EIF4G1: variants seen among roughly 807,000 people sequenced by gnomAD.
EIF4G1 encodes EIF4-gamma.
EIF4G1 carries 4 observed loss-of-function variants against 187.8 expected under a neutral mutation model. The ratio of observed to expected loss-of-function variants is 0.02; its 90% CI spans 0.01 to 0.05. The LOEUF (loss-of-function observed/expected upper bound fraction) is 0.05, where lower values mean the gene tolerates loss of function less well. Among genes scored for constraint, EIF4G1 ranks in the 10% least tolerant of loss-of-function variants. The pLI, the probability that EIF4G1 is intolerant of heterozygous loss-of-function variation, is 1.00. For missense variants in EIF4G1, 1,647 were observed against 2,081.1 expected, an observed-to-expected ratio of 0.79 and a Z score of 4.06; for synonymous variants, 844 against 781.4, an observed-to-expected ratio of 1.08 and a Z score of -1.34.
chr3:184,314,788 GCGGCCCGACCCAGGGCCC>G (rs1422627878), intron 1 of EIF4G1, 114 bp downstream of exon 1: 3 of 130,238 alleles, frequency 2.3e-5, no homozygotes, highest in South Asian at 2.6e-4. Context: ...CCCTGGCCCC[GCGGCCCGACCCAGGGCCC>G]CGGCCCGCCA....
chr3:184,317,876 G>A, intron 6 of EIF4G1, 60 bp downstream of exon 6: 1 of 1,294,468 alleles, frequency 7.7e-7, no homozygotes, highest in Non-Finnish European at 1.1e-6. Flanking sequence ...AAACTCATCT[G>A]CTGATTTCTA....
chr3:184,318,813 C>T (rs1362975616), intron 6 of EIF4G1, among the ~76,000 whole-genome samples: 1 of 151,990 alleles, frequency 6.6e-6, no homozygotes, highest in East Asian at 2.0e-4. Context: ...TCATGTTGAC[C>T]AGGCTGGTCT....
rs1328069246 is a variant in EIF4G1, at chr3:184,323,781, A to T, written c.2276A>T (p.Asp759Val). The T allele has an allele frequency of 6.2e-7, 1 of 1,613,728 alleles. No homozygotes were observed. The highest frequency in any genetic ancestry group is 8.5e-7 in the Non-Finnish European group (1 of 1,180,034). ...EEDADGSKTQ[D>V]LFRRVRSILN... ...AACTCTTGTCTCTTCTCCCTCCAGG[A>T]CCTATTCCGCAGGGTGCGCTCCATC... Residue 759 changes from aspartate (D) to valine (V), a missense_variant and splice_region_variant, in exon 16 of 33, where the codon GAC becomes GTC. Around this residue, in one of 11 missense-constraint regions of EIF4G1, gnomAD observed 140 missense variants for 222.2 expected, o/e 0.63. Coordinates refer to ENST00000346169, the MANE Select transcript of EIF4G1 (RefSeq NM_198241.3). The surrounding 1 kb of genome is among the most constrained non-coding windows in gnomAD (Gnocchi z 6.9).
chr3:184,321,223 G>A (rs1723850187), intron 9 of EIF4G1, 59 bp from the exon 10 acceptor site: 10 of 1,604,950 alleles, frequency 6.2e-6, no homozygotes, highest in Non-Finnish European at 8.5e-6. Context: ...AGGATGGGGA[G>A]GAACAACAGC....
At position 184,322,545 on chromosome 3, in the gene EIF4G1, C is replaced by G; in HGVS notation, c.1610C>G (p.Ala537Gly). The change falls in exon 12 of 33, where the codon GCG becomes GGG. Residue 537 changes from alanine to glycine, a missense_variant and splice_region_variant. Ala to Gly is a moderately conservative substitution (Grantham distance 60). Transcript: ENST00000346169. Reference protein sequence around the residue: ...VGDLLDAFKEANPAVPEVENQ... With the variant: ...VGDLLDAFKEGNPAVPEVENQ... Reference sequence around the variant, plus strand: ...AAACTGGATGTTCTGTTGTTCTAGGCGAACCCGGCAGTACCAGAGGTGGAA... The same window carrying G: ...AAACTGGATGTTCTGTTGTTCTAGGGGAACCCGGCAGTACCAGAGGTGGAA... 1 of 1,614,040 alleles carries G rather than the reference C, an allele frequency of 6.2e-7. No individual in the cohort carries two copies. Among genetic ancestry groups the G allele is most frequent in the Non-Finnish European group, 8.5e-7 (1 of 1,180,008 alleles).
In EIF4G1 at chr3:184,323,127, A is replaced by G. The variant is rs1335305590; in HGVS notation, c.1974A>G (p.Gln658=). The change falls in exon 14 of 33, where the codon CAA becomes CAG. Residue 658 remains glutamine (Q), a synonymous_variant. Coordinates refer to ENST00000346169, the MANE Select transcript of EIF4G1 (RefSeq NM_198241.3). This position sits in a 1 kb window ranked among gnomAD's most constrained non-coding sequence, Gnocchi z 6.9. The stretch of plus-strand genomic sequence containing the variant: ...GGCCACTGGATCCCACTAGACTACA[A>G]GGCATAAATTGTGGCCCAGACTTCA... ...PLRPLDPTRL[Q]GINCGPDFTP... 6 of 1,614,198 alleles carry G rather than the reference A, an allele frequency of 3.7e-6. No homozygotes were observed. In the East Asian group the frequency reaches 1.1e-4, roughly 30 times the overall value.
Position 184,334,808 on chromosome 3 carries a change from A to G in EIF4G1, c.4700A>G (p.Lys1567Arg). 2 of 1,614,200 alleles carry G rather than the reference A, an allele frequency of 1.2e-6. No homozygotes were observed. Among genetic ancestry groups the G allele is most frequent in the East Asian group, 4.5e-5 (2 of 44,886 alleles). ...EDAFYSWESS[K>R]DPAEQQGKGV... ...GCCTTCTACAGTTGGGAGAGTAGCA[A>G]GGACCCCGCTGAGCAGCAGGGCAAG... Residue 1567 changes from lysine to arginine, a missense_variant, in exon 33 of 33, where the codon AAG (lysine) becomes AGG (arginine). Around this residue, in one of 11 missense-constraint regions of EIF4G1, gnomAD observed 543 missense variants for 638.0 expected, o/e 0.85. Coordinates refer to ENST00000346169, the MANE Select transcript of EIF4G1 (RefSeq NM_198241.3). This position sits in a 1 kb window ranked among gnomAD's most constrained non-coding sequence, Gnocchi z 5.8.
In EIF4G1 at chr3:184,323,932, C is replaced by T. The variant is rs756361706; in HGVS notation, c.2427C>T (p.Pro809=). 21 of 1,614,010 alleles carry T rather than the reference C, an allele frequency of 1.3e-5. No homozygotes were observed. In the Admixed American group the frequency reaches 2.8e-4, roughly 22 times the overall value. The change falls in exon 16 of 33, where the codon CCC becomes CCT. Residue 809 remains proline, a synonymous_variant. Coordinates refer to ENST00000346169, the MANE Select transcript of EIF4G1 (RefSeq NM_198241.3). The surrounding 1 kb of genome is among the most constrained non-coding windows in gnomAD (Gnocchi z 6.9). The stretch of plus-strand genomic sequence containing the variant: ...TTTTTGAGAAGGCCATTTCAGAGCC[C>T]AACTTCTCTGTGGCCTATGCCAACA... ...DLIFEKAISE[P]NFSVAYANMC...
intron 28 of EIF4G1, among the ~76,000 whole-genome samples, chr3:184,330,864 C>T (rs1018855762): frequency 1.3e-5 from 2 of 152,034 alleles, no homozygotes; most frequent in Non-Finnish European, 2.9e-5. Context: ...CTCAGCCTCC[C>T]GAGTAGCTGG....
chr3:184,334,957 C>T lies in EIF4G1; in HGVS notation c.*49C>T, dbSNP rs1179564623. On this transcript the variant is annotated 3_prime_UTR_variant, in exon 33 of 33. Coordinates refer to ENST00000346169, the MANE Select transcript of EIF4G1 (RefSeq NM_198241.3). The surrounding 1 kb of genome is among the most constrained non-coding windows in gnomAD (Gnocchi z 5.8). ...GAGCCCCATGGACACACAGATGGCC[C>T]GGCTAGCCGCCTGGACTGCAGGGGG... 2.1e-5 allele frequency: 33 copies of T among 1,609,462 alleles called. No individual in the cohort carries two copies. The highest frequency in any genetic ancestry group is 3.3e-5 in the South Asian group (3 of 90,792).
In EIF4G1 at chr3:184,324,937, G is replaced by T. The variant is rs755577826; in HGVS notation, c.2679G>T (p.Arg893=). Residue 893 remains arginine (R), a synonymous_variant, in exon 18 of 33, where the codon CGG becomes CGT. Coordinates refer to ENST00000346169, the MANE Select transcript of EIF4G1 (RefSeq NM_198241.3). The part of the protein sequence containing the change: ...ELEEARDIAR[R]RSLGNIKFIG... ...AAGAGGCTCGGGACATAGCCCGGCG[G>T]CGCTCTTTAGGGAATATCAAGTTTA... The T allele has an allele frequency of 6.2e-7, 1 of 1,614,256 alleles. No individual in the cohort carries two copies. Among genetic ancestry groups the T allele is most frequent in the African/African-American group, 1.3e-5 (1 of 75,076 alleles).
Position 184,335,296 on chromosome 3 carries a change from C to G in EIF4G1, c.*388C>G. 1 of 247,310 alleles carries G rather than the reference C, an allele frequency of 4.0e-6. No homozygotes were observed. Among genetic ancestry groups the G allele is most frequent in the South Asian group, 5.3e-5 (1 of 19,034 alleles). The allele number at this position is 247,310 out of a possible 1,614,324, so 15.3% of individuals were successfully genotyped here. The stretch of plus-strand genomic sequence containing the variant: ...GCCCCTGTACCACCCCTGCTGTTGC[C>G]TGGGCAGGGGGAAGGGGGGGCACGG... On this transcript the variant is annotated 3_prime_UTR_variant, in exon 33 of 33. Coordinates refer to ENST00000346169, the MANE Select transcript of EIF4G1 (RefSeq NM_198241.3).
Position 184,319,267 on chromosome 3 carries a change from T to C in EIF4G1, c.425-422T>C, listed in dbSNP as rs1280704110. On this transcript the variant is annotated intron_variant, in intron 6 of 32. Transcript: ENST00000346169. ...GGGTTGGCAGATCTCTTTCTCTCAT[T>C]ACCAGCCAAAGACCTGGTTCTGTTT... 3 of 205,420 alleles carry C rather than the reference T, an allele frequency of 1.5e-5. 1 individual carries two copies. In the South Asian group the frequency reaches 2.5e-4, roughly 17 times the overall value. 12.7% of individuals were successfully genotyped at this position (205,420 alleles called of 1,614,324 possible). A position where few individuals can be genotyped will look rare whatever the true frequency, so the allele number is the denominator to read the frequency against.
At chr3:184,316,069 C>A in intron 3 of EIF4G1, 63 bp from the exon 4 acceptor site, 1 of 1,606,188 alleles carries the variant, frequency 6.2e-7, no homozygotes, top group East Asian at 2.3e-5. Flanking sequence ...CTTATTTCAC[C>A]AGCTTGGGTT....
intron 6 of EIF4G1, among the ~76,000 whole-genome samples, chr3:184,319,428 T>TAG (rs1397101505): frequency 2.5e-5 from 1 of 40,234 alleles, no homozygotes; most frequent in Non-Finnish European, 4.4e-5. Flanking sequence ...CTACGAGGGG[T>TAG]GTGTGTGTGT....
chr3:184,323,473 A>G lies in EIF4G1; in HGVS notation c.2154A>G (p.Thr718=), dbSNP rs773619058. The change falls in exon 15 of 33, where the codon ACA becomes ACG. Residue 718 remains threonine, a synonymous_variant. Transcript: ENST00000346169. The surrounding 1 kb of genome is among the most constrained non-coding windows in gnomAD (Gnocchi z 6.9). The part of the protein sequence containing the change: ...PRKEPRKIIA[T]VLMTEDIKLN... The stretch of plus-strand genomic sequence containing the variant: ...AAGAACCACGCAAGATCATTGCCAC[A>G]GTGTTAATGACCGAAGATATAAAAC... 9.3e-6 allele frequency: 15 copies of G among 1,614,240 alleles called. No individual in the cohort carries two copies. The Admixed American group carries it at 2.3e-4, about 25-fold the overall frequency.
At chr3:184,329,199 A>C (rs914197051) in intron 28 of EIF4G1, 8 of 609,698 alleles carry the variant, frequency 1.3e-5, no homozygotes, top group Non-Finnish European at 2.3e-5. Context: ...GGAGAATGGC[A>C]GTCTAAGACC....
In EIF4G1 at chr3:184,327,401, G is replaced by T. The variant is rs112176450; in HGVS notation, c.3614G>T (p.Arg1205Leu). The change falls in exon 24 of 33, where the codon CGC becomes CTC. Residue 1205 changes from arginine to leucine, a missense_variant. By Grantham distance (102) the Arg-to-Leu change is moderately radical. Around this residue, in one of 11 missense-constraint regions of EIF4G1, gnomAD observed 543 missense variants for 638.0 expected, o/e 0.85. Transcript: ENST00000346169. ...CGGCCCTCCCAGCCTGAGGGGCTGC[G>T]CAAGGCAGCTAGCCTCACGGAGGAT... ...RERPSQPEGLRKAASLTEDRD... is the reference protein window; with the variant it reads ...RERPSQPEGLLKAASLTEDRD... The T allele has an allele frequency of 6.2e-7, 1 of 1,613,564 alleles. No homozygotes were observed. Among genetic ancestry groups the T allele is most frequent in the Non-Finnish European group, 8.5e-7 (1 of 1,179,992 alleles).
chr3:184,330,309 G>C (rs111468026), intron 28 of EIF4G1, among the ~76,000 whole-genome samples: 2,349 of 152,234 alleles, frequency 0.015, 28 homozygotes, highest in Non-Finnish European at 0.023. Flanking sequence ...AACCCAGGAG[G>C]GGGAGGTTGC....
Sources: gnomAD v4.1 joint callset for allele counts (sites outside exome capture counted in the v4.1 genomes callset) on GRCh38, gnomAD v4.1.1 for gene constraint, gnomAD v4.1.1 regional missense constraint, Gnocchi (gnomAD v3.1) non-coding constraint, MANE v1.5 for transcripts, NCBI Gene and HGNC (gene_info 2026-07-23, HGNC 2026-07-21) for gene names.